Variants in PDE5A observed in about 807,000 individuals in gnomAD.
PDE5A encodes the protein phosphodiesterase 5A.
A neutral mutation model predicts 110.2 loss-of-function variants in PDE5A; 67 were observed. That is an observed-to-expected ratio of 0.61 (90% CI 0.50 to 0.75). The LOEUF (loss-of-function observed/expected upper bound fraction) is 0.75. Among genes scored for constraint, PDE5A ranks in the 30% least tolerant of loss-of-function variants. The probability of loss-of-function intolerance (pLI) is 0.00; values close to 1 mark genes in which losing one functional copy is unlikely to be tolerated. For synonymous variants in PDE5A, 328 were observed against 351.2 expected, an observed-to-expected ratio of 0.93 and a Z score of 0.74; for missense variants, 862 against 1,045.1, an observed-to-expected ratio of 0.82 and a Z score of 2.42.
intron 2 of PDE5A, among the ~76,000 whole-genome samples, chr4:119,600,939 T>C (rs774635995): frequency 3.3e-5 from 5 of 152,148 alleles, no homozygotes; most frequent in South Asian, 2.1e-4. Flanking sequence ...TTTAAAAAAG[T>C]TATCAAATTT....
In PDE5A at chr4:119,498,710, A is replaced by G; in HGVS notation, c.2519T>C (p.Phe840Ser). 2 of 1,613,958 alleles carry G rather than the reference A, an allele frequency of 1.2e-6. No individual in the cohort carries two copies. The highest frequency in any genetic ancestry group is 1.1e-5 in the South Asian group (1 of 91,070). ...CTTTCTGCAGCCATCTAGCAAAGGG[A>G]AACAGTCCTCTGACACGTGGGTCAG... is the stretch of plus-strand genomic sequence containing the variant. Reference protein sequence around the residue: ...EALTHVSEDCFPLLDGCRKNR... With the variant: ...EALTHVSEDCSPLLDGCRKNR... The change falls in exon 21 of 21, where the codon TTC becomes TCC. Residue 840 changes from phenylalanine (F) to serine (S), a missense_variant. Physicochemically the swap from Phe to Ser is radical, Grantham distance 155. Transcript: ENST00000354960.
chr4:119,582,305 A>G (rs13140409), intron 3 of PDE5A, among the ~76,000 whole-genome samples: 39,839 of 152,016 alleles, frequency 0.26, 5,301 homozygotes, highest in East Asian at 0.38. Context: ...ATCTATAAGA[A>G]GCAACAGTTC....
intron 1 of PDE5A, among the ~76,000 whole-genome samples, chr4:119,623,478 T>C (rs1730234251): frequency 1.3e-5 from 2 of 152,182 alleles, no homozygotes; most frequent in Admixed American, 6.5e-5. Flanking sequence ...CAATTATAGG[T>C]TTAACTTCTA....
intron 1 of PDE5A, among the ~76,000 whole-genome samples, chr4:119,618,887 A>G (rs1203856906): frequency 6.6e-6 from 1 of 152,286 alleles, no homozygotes; most frequent in East Asian, 1.9e-4. Flanking sequence ...TCCTAAAAGT[A>G]GGGTGATACC....
chr4:119,598,136 C>T (rs1474455609), intron 2 of PDE5A, among the ~76,000 whole-genome samples: 2 of 152,010 alleles, frequency 1.3e-5, no homozygotes, highest in Non-Finnish European at 2.9e-5. Context: ...AAAAATACAT[C>T]CTCAGTGTTA....
chr4:119,597,277 T>C (rs1729185267), intron 2 of PDE5A, among the ~76,000 whole-genome samples: 1 of 151,066 alleles, frequency 6.6e-6, no homozygotes, highest in South Asian at 2.1e-4. Context: ...TGGGAAGATC[T>C]CAAATTAGGC....
At chr4:119,565,487 A>C in intron 4 of PDE5A, 77 bp from the exon 5 acceptor site, 2 of 934,330 alleles carry the variant, frequency 2.1e-6, no homozygotes, top group Non-Finnish European at 3.4e-6. Flanking sequence ...CAGATCCTCA[A>C]ATATTTACAG....
In PDE5A at chr4:119,504,517, T is replaced by C. The variant is rs767584057; in HGVS notation, c.2331+19A>G. On this transcript the variant is annotated intron_variant, in intron 18 of 20. Transcript: ENST00000354960. ...TATTTTGACTTTTTAATTATTGTTATTGTCACTAAGTAACATACCCGTTGT... is the reference window on the plus strand; with the variant it reads ...TATTTTGACTTTTTAATTATTGTTACTGTCACTAAGTAACATACCCGTTGT... 5 of 1,588,430 alleles carry C rather than the reference T, an allele frequency of 3.1e-6. No individual in the cohort carries two copies. In the South Asian group the frequency reaches 3.4e-5, roughly 11 times the overall value.
intron 2 of PDE5A, among the ~76,000 whole-genome samples, chr4:119,600,287 G>C (rs1729298646): frequency 1.3e-5 from 2 of 151,998 alleles, no homozygotes; most frequent in Admixed American, 1.3e-4. Context: ...TTTAGTTGTT[G>C]GATGAAATTG....
At chr4:119,614,552 G>A (rs1033228395) in intron 1 of PDE5A, among the ~76,000 whole-genome samples, 7 of 152,036 alleles carry the variant, frequency 4.6e-5, no homozygotes, top group African/African-American at 1.4e-4. Context: ...CATTGAGAGC[G>A]CACAAAGGAC....
intron 1 of PDE5A, among the ~76,000 whole-genome samples, chr4:119,614,292 G>T (rs1414905825): frequency 1.3e-5 from 2 of 152,128 alleles, no homozygotes; most frequent in African/African-American, 4.8e-5. Flanking sequence ...GTCATCCCCA[G>T]AGTTGCTAGA....
Position 119,565,336 on chromosome 4 carries a change from C to G in PDE5A, c.978G>C (p.Glu326Asp), listed in dbSNP as rs751592581. The G allele has an allele frequency of 6.2e-7, 1 of 1,609,936 alleles. No homozygotes were observed. Among genetic ancestry groups the G allele is most frequent in the Non-Finnish European group, 8.5e-7 (1 of 1,176,880 alleles). Residue 326 changes from glutamate to aspartate, a missense_variant, in exon 5 of 21, where the codon GAG becomes GAC. Transcript: ENST00000354960. ...TCAGACTGACCTGATTTCTCTTGTT[C>G]TCCAGCAGTGAAGTCTCATAGAGCT... Reference protein sequence around the residue: ...NAQLYETSLLENKRNQVLLDL... With the variant: ...NAQLYETSLLDNKRNQVLLDL...
chr4:119,534,946 G>T (rs1726678777), intron 11 of PDE5A, among the ~76,000 whole-genome samples: 1 of 152,186 alleles, frequency 6.6e-6, no homozygotes. Context: ...TGCCTAAATG[G>T]TCAGCTAAGC....
intron 1 of PDE5A, among the ~76,000 whole-genome samples, chr4:119,622,036 T>C (rs540848424): frequency 6.6e-6 from 1 of 151,778 alleles, no homozygotes; most frequent in Non-Finnish European, 1.5e-5. Context: ...TAGCCAGGCA[T>C]GGTGGTGGGC....
intron 1 of PDE5A, among the ~76,000 whole-genome samples, chr4:119,611,532 G>A (rs1169912052): frequency 6.6e-6 from 1 of 152,180 alleles, no homozygotes; most frequent in African/African-American, 2.4e-5. Flanking sequence ...AACTGACCGT[G>A]ACTAATTTAT....
intron 9 of PDE5A, among the ~76,000 whole-genome samples, chr4:119,545,031 A>ACAG (rs1560609461): frequency 6.6e-6 from 1 of 151,982 alleles, no homozygotes; most frequent in Non-Finnish European, 1.5e-5. Context: ...AACAACAACA[A>ACAG]CAGCAACAAA....
intron 1 of PDE5A, among the ~76,000 whole-genome samples, chr4:119,618,511 T>C (rs1187192096): frequency 3.9e-5 from 6 of 152,190 alleles, no homozygotes; most frequent in Non-Finnish European, 7.4e-5. Flanking sequence ...ATATCTACAC[T>C]TACATATAAC....
intron 1 of PDE5A, among the ~76,000 whole-genome samples, chr4:119,609,840 T>C (rs1729681580): frequency 2.0e-5 from 3 of 152,164 alleles, no homozygotes; most frequent in African/African-American, 7.2e-5. Context: ...GACTTAGCCA[T>C]TCCACAATGT....
intron 15 of PDE5A, among the ~76,000 whole-genome samples, chr4:119,510,438 C>T (rs1405060318): frequency 2.6e-5 from 4 of 151,776 alleles, no homozygotes; most frequent in Admixed American, 6.6e-5. Flanking sequence ...TACACACAGC[C>T]GACAATGTAA....
Sources: allele counts gnomAD v4.1 joint callset (sites outside exome capture counted in the v4.1 genomes callset), GRCh38; gene constraint gnomAD v4.1.1; transcripts MANE v1.5; gene names NCBI Gene and HGNC (gene_info 2026-07-23, HGNC 2026-07-21).